The following WSB2 variants were observed in gnomAD, a reference collection of about 807,000 sequenced individuals.
The protein encoded by WSB2 is WD repeat and SOCS box-containing protein 2.
Under a neutral mutation model 48.8 loss-of-function variants are expected in WSB2, and 12 were observed. The ratio of observed to expected loss-of-function variants is 0.25; its 90% CI spans 0.16 to 0.40. WSB2 has a LOEUF of 0.40. Among genes scored for constraint, WSB2 ranks in the 10% least tolerant of loss-of-function variants. The pLI is 1.00. For synonymous variants in WSB2, 191 were observed against 203.1 expected, an observed-to-expected ratio of 0.94 and a Z score of 0.51; for missense variants, 317 against 506.2, an observed-to-expected ratio of 0.63 and a Z score of 3.59.
intron 2 of WSB2, among the ~76,000 whole-genome samples, chr12:118,051,739 C>A (rs780811619): frequency 4.9e-4 from 75 of 152,152 alleles, no homozygotes; most frequent in Non-Finnish European, 9.4e-4. Context: ...TTCGGGAGGC[C>A]GAGGTGGGTG....
intron 4 of WSB2, among the ~76,000 whole-genome samples, chr12:118,038,783 C>T (rs1398534925): frequency 6.6e-6 from 1 of 152,076 alleles, no homozygotes; most frequent in Non-Finnish European, 1.5e-5. Flanking sequence ...CAAGTTGAAG[C>T]GATTCTCCTG....
upstream of WSB2, chr12:118,062,020 G>A (rs2032080599): frequency 7.1e-7 from 1 of 1,399,958 alleles, no homozygotes. Flanking sequence ...GGAGGGCAGG[G>A]TGAAAACCGG....
intron 2 of WSB2, among the ~76,000 whole-genome samples, chr12:118,051,324 A>G (rs889241835): frequency 1.1e-4 from 16 of 152,264 alleles, no homozygotes; most frequent in Admixed American, 9.8e-4. Context: ...CAGGTTTTCT[A>G]TAAATGTTCA....
chr12:118,042,770 G>T lies in WSB2; in HGVS notation c.559+71C>A, dbSNP rs995055478. 2.6e-6 allele frequency: 4 copies of T among 1,556,388 alleles called. No individual in the cohort carries two copies. In the African/African-American group the frequency reaches 5.5e-5, roughly 21 times the overall value. Reference sequence around the variant, plus strand: ...AAGAAACACTGTTTTAGATAAAAATGACACTGGTAAAGTGGAGAAAGCAAA... The same window carrying T: ...AAGAAACACTGTTTTAGATAAAAATTACACTGGTAAAGTGGAGAAAGCAAA... On this transcript the variant is annotated intron_variant, in intron 4 of 8. Coordinates refer to ENST00000315436, the MANE Select transcript of WSB2 (RefSeq NM_018639.5).
intron 5 of WSB2, 110 bp from the exon 6 acceptor site, chr12:118,036,620 G>A: frequency 1.7e-6 from 2 of 1,157,802 alleles, no homozygotes; most frequent in Non-Finnish European, 2.4e-6. Context: ...AGCCAGGGCT[G>A]ATTCTCTATC....
At position 118,034,352 on chromosome 12, in the gene WSB2, T is replaced by C. The variant is rs1323768347; in HGVS notation, c.1059A>G (p.Arg353=). ...CTGTCCAGAACTGGACGTGGCCATC[T>C]CTTGTCCTAAAATGAAACAGAAACC... ...PHGGVIATGT[R]DGHVQFWTAP... is the part of the protein sequence containing the mutation. Residue 353 remains arginine, a synonymous_variant, in exon 9 of 9, where the codon AGA becomes AGG. Coordinates refer to ENST00000315436, the MANE Select transcript of WSB2 (RefSeq NM_018639.5). 6.2e-7 allele frequency: 1 copy of C among 1,613,618 alleles called. No homozygotes were observed. Among genetic ancestry groups the C allele is most frequent in the Non-Finnish European group, 8.5e-7 (1 of 1,179,724 alleles).
upstream of WSB2, chr12:118,062,059 G>T: frequency 6.5e-7 from 1 of 1,529,426 alleles, no homozygotes; most frequent in South Asian, 1.2e-5. Flanking sequence ...ATAAAAAACG[G>T]GGCAGGAGCG....
chr12:118,054,341 AGATC>A (rs1254379931), intron 1 of WSB2, among the ~76,000 whole-genome samples: 1 of 151,610 alleles, frequency 6.6e-6, no homozygotes, highest in Non-Finnish European at 1.5e-5. Context: ...CAGTGAGCCG[AGATC>A]GTGCCACTGC....
chr12:118,035,024 G>A lies in WSB2; in HGVS notation c.1014C>T (p.Cys338=), dbSNP rs1662963959. The stretch of plus-strand genomic sequence containing the variant: ...CTCCACCATGTGGAAAAAATGTGCA[G>A]CAAAGCCCATTGGTCATAGGAGCAA... ...IAFAPMTNGL[C]CTFFPHGGVI... The change falls in exon 8 of 9, where the codon TGC becomes TGT. Residue 338 remains cysteine (C), a synonymous_variant. Coordinates refer to ENST00000315436, the MANE Select transcript of WSB2 (RefSeq NM_018639.5). 1 of 1,614,020 alleles carries A rather than the reference G, an allele frequency of 6.2e-7. No individual in the cohort carries two copies. Among genetic ancestry groups the A allele is most frequent in the Admixed American group, 1.7e-5 (1 of 60,000 alleles).
chr12:118,042,656 G>A, intron 4 of WSB2, 185 bp downstream of exon 4: 1 of 790,036 alleles, frequency 1.3e-6, no homozygotes, highest in Non-Finnish European at 2.0e-6. Context: ...AACTCTATTT[G>A]GTATAGTATT....
chr12:118,047,364 A>T (rs978443449), intron 2 of WSB2, among the ~76,000 whole-genome samples: 4 of 152,046 alleles, frequency 2.6e-5, no homozygotes, highest in African/African-American at 9.7e-5. Context: ...GAAAGAGCTG[A>T]TGAGGCAAGA....
chr12:118,057,639 T>G (rs1010668477), intron 1 of WSB2, among the ~76,000 whole-genome samples: 1 of 152,186 alleles, frequency 6.6e-6, no homozygotes, highest in Non-Finnish European at 1.5e-5. Context: ...TTTTGATATA[T>G]GTATACATTG....
At chr12:118,055,607 CTTT>C (rs748354611) in intron 1 of WSB2, among the ~76,000 whole-genome samples, 45 of 81,686 alleles carry the variant, frequency 5.5e-4, no homozygotes, top group African/African-American at 1.7e-3. Flanking sequence ...CTACATTATC[CTTT>C]TTTTTTTTTT....
intron 1 of WSB2, among the ~76,000 whole-genome samples, chr12:118,054,669 C>A (rs2031920507): frequency 6.7e-6 from 1 of 148,286 alleles, no homozygotes; most frequent in South Asian, 2.2e-4. Flanking sequence ...AAGAGTGAAA[C>A]TCTGTCTCAA....
chr12:118,035,452 GTGGA>G (rs2031489837), intron 6 of WSB2, 128 bp from the exon 7 acceptor site: 1 of 752,060 alleles, frequency 1.3e-6, no homozygotes, highest in Middle Eastern at 3.9e-4. Flanking sequence ...TGTGCCCCTC[GTGGA>G]AAAGCTTGGG....
At chr12:118,052,569 A>G in intron 1 of WSB2, 91 bp from the exon 2 acceptor site, 2 of 1,564,646 alleles carry the variant, frequency 1.3e-6, no homozygotes, top group Non-Finnish European at 1.7e-6. Flanking sequence ...TGTGGCAAAG[A>G]GCCACACTAT....
intron 2 of WSB2, among the ~76,000 whole-genome samples, chr12:118,048,141 C>A (rs942967780): frequency 2.0e-5 from 3 of 152,082 alleles, no homozygotes; most frequent in Non-Finnish European, 4.4e-5. Flanking sequence ...GTTGCCCATG[C>A]TGATCTAGAA....
chr12:118,045,658 C>T (rs1481550855), intron 2 of WSB2, among the ~76,000 whole-genome samples: 2 of 151,012 alleles, frequency 1.3e-5, no homozygotes, highest in Non-Finnish European at 2.9e-5. Flanking sequence ...TTGCACTGAG[C>T]CAAGATCACA....
chr12:118,056,196 T>C (rs1035150694), intron 1 of WSB2, among the ~76,000 whole-genome samples: 1 of 152,148 alleles, frequency 6.6e-6, no homozygotes, highest in Non-Finnish European at 1.5e-5. Flanking sequence ...TGAACTTCCC[T>C]GGGCTTGTAC....
Sources: allele counts gnomAD v4.1 joint callset (sites outside exome capture counted in the v4.1 genomes callset), GRCh38; gene constraint gnomAD v4.1.1; transcripts MANE v1.5; gene names NCBI Gene and HGNC (gene_info 2026-07-23, HGNC 2026-07-21).